EI24: variants seen among roughly 807,000 people sequenced by gnomAD.
EI24 encodes the protein etoposide-induced protein 2.4 homolog.
Under a neutral mutation model 48.6 loss-of-function variants are expected in EI24, and 21 were observed. The ratio of observed to expected loss-of-function variants is 0.43; its 90% CI spans 0.31 to 0.62. The LOEUF is 0.62. EI24 is among the 20% of genes least tolerant of loss of function. The probability of loss-of-function intolerance (pLI) is 0.10; values close to 1 mark genes in which losing one functional copy is unlikely to be tolerated. For synonymous variants in EI24, 114 were observed against 145.5 expected (o/e 0.78, Z 1.56); for missense variants, 280 against 410.5 (o/e 0.68, Z 2.75).
rs1465996794 is a variant in EI24, at chr11:125,575,110, A to G, written c.43-153A>G. The stretch of plus-strand genomic sequence containing the variant: ...GGTGTGGTGGTGCACATCTGTACTC[A>G]TAGCTCTTTGGGAGGCTGAGGCAGG... On this transcript the variant is annotated intron_variant, in intron 2 of 10. Coordinates refer to ENST00000278903, the MANE Select transcript of EI24 (RefSeq NM_004879.5). The G allele has an allele frequency of 9.0e-6, 5 of 552,556 alleles. No homozygotes were observed. In the African/African-American group the frequency reaches 9.7e-5, roughly 11 times the overall value. The allele number at this position is 552,556 out of a possible 1,614,324, so 34.2% of individuals were successfully genotyped here. A position where few individuals can be genotyped will look rare whatever the true frequency, so the allele number is the denominator to read the frequency against.
In EI24 at chr11:125,577,468, G is replaced by A. The variant is rs1355816952; in HGVS notation, c.250-36G>A. On this transcript the variant is annotated intron_variant, in intron 4 of 10. Transcript: ENST00000278903. ...ATTGAAGCTCCTGTTTTAAAGACTG[G>A]ATTTTGATGTTTGCCTTGTTGCTTC... The A allele has an allele frequency of 5.1e-6, 8 of 1,580,928 alleles. No homozygotes were observed. The South Asian group carries it at 9.0e-5, about 18-fold the overall frequency.
chr11:125,583,736 CTT>C lies in EI24; in HGVS notation c.*56_*57del. On this transcript the variant is annotated 3_prime_UTR_variant, in exon 11 of 11. Transcript: ENST00000278903. ...GGGATTGGAAGAAGCTGTGGCAGCT[CTT>C]TTCCCTGTTCACCTCCCGCCTGCCA... is the stretch of plus-strand genomic sequence containing the variant. 1 of 1,582,088 alleles carries C rather than the reference CTT, an allele frequency of 6.3e-7. No homozygotes were observed. Among genetic ancestry groups the C allele is most frequent in the Non-Finnish European group, 8.6e-7 (1 of 1,163,844 alleles).
At chr11:125,572,626 G>A in intron 2 of EI24, 57 bp downstream of exon 2, 1 of 1,506,554 alleles carries the variant, frequency 6.6e-7, no homozygotes, top group South Asian at 1.2e-5. Context: ...TTTTGCTGAA[G>A]GAACCATCTA....
chr11:125,577,557 A>G lies in EI24; in HGVS notation c.303A>G (p.Thr101=). 6.2e-7 allele frequency: 1 copy of G among 1,613,814 alleles called. No individual in the cohort carries two copies. Residue 101 remains threonine, a synonymous_variant, in exon 5 of 11, where the codon ACA becomes ACG. Transcript: ENST00000278903. ...TTATTCCTGTGCTTCAGTCGGTAAC[A>G]GCCCGAATTATCGGTAAGTGTATAC... ...RVFIPVLQSV[T]ARIIGDPSLH...
At chr11:125,577,122 C>T (rs915346754) in intron 4 of EI24, among the ~76,000 whole-genome samples, 7 of 152,180 alleles carry the variant, frequency 4.6e-5, no homozygotes, top group East Asian at 1.9e-4. Flanking sequence ...GATGGAGGCT[C>T]GCTCTGTTGC....
chr11:125,572,102 T>C (rs963807348), intron 1 of EI24, among the ~76,000 whole-genome samples: 5 of 152,150 alleles, frequency 3.3e-5, no homozygotes, highest in Non-Finnish European at 5.9e-5. Context: ...TTATCTTCCA[T>C]CTCCAAACCC....
At chr11:125,581,077 AAAT>A (rs145007951) in intron 8 of EI24, 131 bp from the exon 9 acceptor site, 5,997 of 192,254 alleles carry the variant, frequency 0.031, 196 homozygotes, top group African/African-American at 0.096. Flanking sequence ...ACTCCATCTC[AAAT>A]AATAATAATA....
At position 125,569,521 on chromosome 11, in the gene EI24, C is replaced by T. The variant is rs532952532; in HGVS notation, c.-123C>T. On this transcript the variant is annotated 5_prime_UTR_variant, in exon 1 of 11. Coordinates refer to ENST00000278903, the MANE Select transcript of EI24 (RefSeq NM_004879.5). ...CGGCCCTGGAAGCGCCCCGGCGGAGCTGGCCTGCGGTGGGCTAGGGGCAGG... is the reference window on the plus strand; with the variant it reads ...CGGCCCTGGAAGCGCCCCGGCGGAGTTGGCCTGCGGTGGGCTAGGGGCAGG... 6.5e-5 allele frequency: 25 copies of T among 383,472 alleles called. No homozygotes were observed. The East Asian group carries it at 7.5e-4, about 11-fold the overall frequency. 23.8% of individuals were successfully genotyped at this position (383,472 alleles called of 1,614,324 possible). A position where few individuals can be genotyped will look rare whatever the true frequency, so the allele number is the denominator to read the frequency against.
intron 1 of EI24, among the ~76,000 whole-genome samples, chr11:125,571,228 T>G (rs1167658490): frequency 5.3e-5 from 8 of 152,216 alleles, no homozygotes; most frequent in Admixed American, 5.2e-4. Context: ...AATTCTGTCT[T>G]TGTATTATGG....
chr11:125,577,657 G>A, intron 5 of EI24, 87 bp downstream of exon 5: 1 of 1,099,640 alleles, frequency 9.1e-7, no homozygotes. Context: ...CATTTCCTGT[G>A]TACCAGGAGC....
At chr11:125,579,581 C>T (rs1377961427) in intron 7 of EI24, among the ~76,000 whole-genome samples, 3 of 152,100 alleles carry the variant, frequency 2.0e-5, no homozygotes, top group Admixed American at 6.6e-5. Context: ...GCAGGAGAAT[C>T]GCTTGAACCC....
chr11:125,573,716 G>GT (rs1194792313), intron 2 of EI24: 1 of 117,362 alleles, frequency 8.5e-6, no homozygotes, highest in Non-Finnish European at 1.6e-5. Flanking sequence ...GAGTCTCACT[G>GT]TGTCGCCCAG....
intron 4 of EI24, among the ~76,000 whole-genome samples, chr11:125,577,250 CCCGA>C (rs1236202936): frequency 4.6e-5 from 7 of 152,290 alleles, no homozygotes; most frequent in Middle Eastern, 3.4e-3. Context: ...CACCACCACA[CCCGA>C]CCAATTGTTG....
intron 1 of EI24, among the ~76,000 whole-genome samples, chr11:125,570,784 G>A (rs2135844448): frequency 6.6e-6 from 1 of 152,314 alleles, no homozygotes; most frequent in Non-Finnish European, 1.5e-5. Flanking sequence ...TTATAGATGA[G>A]CCAGTGGCAG....
At chr11:125,581,458 A>G (rs544096713) in intron 9 of EI24, 136 bp downstream of exon 9, 3 of 421,516 alleles carry the variant, frequency 7.1e-6, no homozygotes, top group Non-Finnish European at 1.3e-5. Flanking sequence ...GTATTTCTAC[A>G]TTTGTTAGCA....
chr11:125,582,466 G>T, intron 10 of EI24, 46 bp downstream of exon 10: 1 of 1,408,952 alleles, frequency 7.1e-7, no homozygotes, highest in Middle Eastern at 1.8e-4. Flanking sequence ...AAAGGGTTGG[G>T]GCTGTAACAC....
chr11:125,580,254 C>A, intron 8 of EI24, 50 bp downstream of exon 8: 1 of 1,343,062 alleles, frequency 7.4e-7, no homozygotes, highest in Non-Finnish European at 1.1e-6. Flanking sequence ...TTTGGAAATG[C>A]TACTGCTAAG....
At chr11:125,577,865 A>G in intron 5 of EI24, 1 of 577,376 alleles carries the variant, frequency 1.7e-6, no homozygotes, top group Non-Finnish European at 3.1e-6. Flanking sequence ...CAGATAGCGT[A>G]CTGGTAATCA....
At chr11:125,582,253 G>T in intron 9 of EI24, 93 bp from the exon 10 acceptor site, 2 of 1,184,020 alleles carry the variant, frequency 1.7e-6, no homozygotes, top group Non-Finnish European at 2.3e-6. Flanking sequence ...TGTTTACACT[G>T]GAAGCAAAAG....
Sources: gnomAD v4.1 joint callset for allele counts (sites outside exome capture counted in the v4.1 genomes callset) on GRCh38, gnomAD v4.1.1 for gene constraint, MANE v1.5 for transcripts, NCBI Gene and HGNC (gene_info 2026-07-23, HGNC 2026-07-21) for gene names.